PTPRT: variants seen among roughly 807,000 people sequenced by gnomAD.
PTPRT encodes the protein receptor-type tyrosine-protein phosphatase T.
A neutral mutation model predicts 176.8 loss-of-function variants in PTPRT; 56 were observed. The observed-to-expected ratio is 0.32, with a 90% CI of 0.26 to 0.40. The LOEUF is 0.40. Among genes scored for constraint, PTPRT ranks in the 10% least tolerant of loss-of-function variants. PTPRT has a pLI of 1.00. For missense variants in PTPRT, 1,540 were observed against 1,908.2 expected (o/e 0.81, Z 3.60); for synonymous variants, 783 against 739.0 (o/e 1.06, Z -0.96).
At chr20:42,821,360 A>G (rs1420951921) in intron 2 of PTPRT, among the ~76,000 whole-genome samples, 1 of 152,218 alleles carries the variant, frequency 6.6e-6, no homozygotes, top group Admixed American at 6.5e-5. Flanking sequence ...AAAATTCAAC[A>G]TCCCTTCTTG....
At chr20:42,691,233 G>C (rs911270025) in intron 6 of PTPRT, among the ~76,000 whole-genome samples, 2 of 152,202 alleles carry the variant, frequency 1.3e-5, no homozygotes, top group Non-Finnish European at 2.9e-5. Context: ...AATATGACAA[G>C]ATGACAAAGT....
chr20:42,614,158 G>A (rs923653221), intron 7 of PTPRT, among the ~76,000 whole-genome samples: 3 of 152,128 alleles, frequency 2.0e-5, no homozygotes, highest in Non-Finnish European at 4.4e-5. Flanking sequence ...GGTGTTTCTT[G>A]GCTTGCAGAA....
intron 7 of PTPRT, among the ~76,000 whole-genome samples, chr20:42,608,031 A>G (rs2073910144): frequency 6.6e-6 from 1 of 152,156 alleles, no homozygotes; most frequent in Admixed American, 6.6e-5. Context: ...TGGTGGGAGT[A>G]CTATCTCCAC....
intron 7 of PTPRT, among the ~76,000 whole-genome samples, chr20:42,610,610 T>G (rs1300159320): frequency 6.6e-6 from 1 of 152,182 alleles, no homozygotes; most frequent in African/African-American, 2.4e-5. Flanking sequence ...GGGTTTAGAA[T>G]TATATAAATA....
chr20:43,037,766 G>A (rs77553665), intron 1 of PTPRT, among the ~76,000 whole-genome samples: 2,578 of 152,226 alleles, frequency 0.017, 84 homozygotes, highest in African/African-American at 0.058. Flanking sequence ...ATACAGGAAC[G>A]TAAAATCTCC....
intron 1 of PTPRT, among the ~76,000 whole-genome samples, chr20:42,973,605 C>A (rs1369987694): frequency 1.3e-5 from 2 of 152,170 alleles, no homozygotes; most frequent in Admixed American, 1.3e-4. Flanking sequence ...CACAGTGGTC[C>A]CACCTACCTG....
intron 17 of PTPRT, among the ~76,000 whole-genome samples, chr20:42,145,497 C>CATAGATAGATAGATAG (rs59838948): frequency 0.012 from 1,725 of 144,538 alleles, 12 homozygotes; most frequent in East Asian, 0.018. Flanking sequence ...GACTTTGTCT[C>CATAGATAGATAGATAG]ATAGATAGAT....
At chr20:42,448,408 G>T in intron 8 of PTPRT, 79 bp from the exon 9 acceptor site, 2 of 1,104,220 alleles carry the variant, frequency 1.8e-6, no homozygotes, top group Non-Finnish European at 2.8e-6. Flanking sequence ...AACAGGGGTT[G>T]ACAAAGTTGC....
intron 1 of PTPRT, among the ~76,000 whole-genome samples, chr20:43,146,524 G>A (rs1254831912): frequency 6.6e-6 from 1 of 150,906 alleles, no homozygotes; most frequent in Non-Finnish European, 1.5e-5. Flanking sequence ...ACTAGTGGAT[G>A]TCACGACAAA....
intron 23 of PTPRT, 56 bp downstream of exon 23, chr20:42,110,274 ACTC>A: frequency 6.7e-7 from 1 of 1,496,400 alleles, no homozygotes; most frequent in East Asian, 2.3e-5. Flanking sequence ...CTGGTCTCGA[ACTC>A]CTGACCTCGT....
intron 13 of PTPRT, among the ~76,000 whole-genome samples, chr20:42,281,245 C>T (rs1425101153): frequency 2.0e-5 from 3 of 152,122 alleles, no homozygotes; most frequent in Non-Finnish European, 4.4e-5. Flanking sequence ...TTCTCCTTGC[C>T]TCACAGAGAG....
rs140988203 is a variant in PTPRT, at chr20:42,549,579, T to A, written c.1154-77017A>T. Among the ~76,000 whole-genome samples, 333 of 152,162 alleles carry A rather than the reference T, an allele frequency of 2.2e-3. 2 individuals carry two copies. The highest frequency in any genetic ancestry group is 0.021 in the Middle Eastern group (6 of 292). ...TTAACTCAACTACCTGCACTAGAGA[T>A]CAACAGAAAAGTCAGGTTCATCTCA... is the stretch of plus-strand genomic sequence containing the variant. On this transcript the variant is annotated intron_variant, in intron 7 of 30. Transcript: ENST00000373187.
the PTPRT span, among the ~76,000 whole-genome samples, chr20:42,045,884 C>T: frequency 6.6e-6 from 1 of 152,176 alleles, no homozygotes; most frequent in Admixed American, 6.5e-5. Context: ...AAACATAATT[C>T]AAGGTAGTCA....
At chr20:42,633,300 T>C (rs1423320485) in intron 7 of PTPRT, among the ~76,000 whole-genome samples, 1 of 152,154 alleles carries the variant, frequency 6.6e-6, no homozygotes, top group Admixed American at 6.5e-5. Flanking sequence ...TTTTATGTAC[T>C]GGAATTTGAT....
chr20:42,293,154 G>T (rs1161086882), intron 12 of PTPRT, among the ~76,000 whole-genome samples: 1 of 152,224 alleles, frequency 6.6e-6, no homozygotes, highest in Non-Finnish European at 1.5e-5. Flanking sequence ...CAAGTAGCAT[G>T]CAAGCCATTC....
chr20:42,824,982 C>T (rs2077967565), intron 2 of PTPRT, among the ~76,000 whole-genome samples: 1 of 151,850 alleles, frequency 6.6e-6, no homozygotes, highest in African/African-American at 2.4e-5. Flanking sequence ...ATATATTTGG[C>T]TATATAATAA....
chr20:42,591,218 T>C (rs931536967), intron 7 of PTPRT, among the ~76,000 whole-genome samples: 3 of 151,994 alleles, frequency 2.0e-5, no homozygotes, highest in Non-Finnish European at 2.9e-5. Context: ...ATTGATAAAT[T>C]TGACTACATG....
intron 6 of PTPRT, among the ~76,000 whole-genome samples, chr20:42,728,929 C>T (rs747106462): frequency 2.0e-5 from 3 of 152,092 alleles, no homozygotes; most frequent in Non-Finnish European, 4.4e-5. Context: ...ATATGTAAGA[C>T]TGAAAGAGTG....
chr20:43,116,879 CA>C (rs568415110), intron 1 of PTPRT, among the ~76,000 whole-genome samples: 2 of 152,024 alleles, frequency 1.3e-5, no homozygotes, highest in East Asian at 1.9e-4. Flanking sequence ...GCTCTTGCAA[CA>C]AAAAAACACT....
Sources: allele counts gnomAD v4.1 joint callset (sites outside exome capture counted in the v4.1 genomes callset), GRCh38; gene constraint gnomAD v4.1.1; transcripts MANE v1.5; gene names NCBI Gene and HGNC (gene_info 2026-07-23, HGNC 2026-07-21).